ASAH2: variants seen among roughly 807,000 people sequenced by gnomAD.
ASAH2 encodes the protein neutral ceramidase.
In ASAH2, 58 loss-of-function variants were observed where a neutral mutation model predicts 82.9. The observed-to-expected ratio is 0.70, with a 90% CI of 0.57 to 0.87. ASAH2 has a LOEUF of 0.87. ASAH2 is among the 40% of genes least tolerant of loss of function. The pLI is 0.00. For missense variants in ASAH2, 779 were observed against 834.0 expected (o/e 0.93, Z 0.81); for synonymous variants, 276 against 289.7 (o/e 0.95, Z 0.48).
At position 50,234,479 on chromosome 10, in the gene ASAH2, T is replaced by G. The variant is rs757600999; in HGVS notation, c.761A>C (p.Gln254Pro). 6.2e-7 allele frequency: 1 copy of G among 1,613,138 alleles called. No individual in the cohort carries two copies. Among genetic ancestry groups the G allele is most frequent in the South Asian group, 1.1e-5 (1 of 91,066 alleles). The part of the protein sequence containing the change: ...FINKGNVDGV[Q>P]INRSPYSYLQ... The stretch of plus-strand genomic sequence containing the variant: ...GTAAGAATACGGACTTCTGTTGATC[T>G]GCACACCATCCACATTTCCTTTATT... Residue 254 changes from glutamine (Q) to proline (P), a missense_variant, in exon 6 of 21, where the codon CAG becomes CCG. By Grantham distance (76) the Gln-to-Pro change is moderately conservative. Coordinates refer to ENST00000682911, the MANE Select transcript of ASAH2 (RefSeq NM_019893.4).
At chr10:50,244,282 G>A (rs1056929753) in intron 3 of ASAH2, among the ~76,000 whole-genome samples, 1 of 152,062 alleles carries the variant, frequency 6.6e-6, no homozygotes, top group African/African-American at 2.4e-5. Context: ...GACTTATCAG[G>A]ACTCTACAAC....
At chr10:50,208,338 A>T (rs1189563258) in intron 12 of ASAH2, among the ~76,000 whole-genome samples, 2 of 152,042 alleles carry the variant, frequency 1.3e-5, no homozygotes, top group African/African-American at 4.8e-5. Context: ...AAAGGCATTC[A>T]GATTGGAAAA....
Position 50,242,146 on chromosome 10 carries a change from A to G in ASAH2, c.510+1056T>C, listed in dbSNP as rs76544369. 5.0e-3 allele frequency among the ~76,000 whole-genome samples: 769 copies of G among 152,308 alleles called. 7 individuals carry two copies. Among genetic ancestry groups the G allele is most frequent in the Admixed American group, 4.4e-3 (68 of 15,304 alleles). ...ATTTGGAAAGTTACCTACCTTCTCT[A>G]AGACTCAGTTTTCTTATACAGAAAA... On this transcript the variant is annotated intron_variant, in intron 4 of 20. Transcript: ENST00000682911.
intron 8 of ASAH2, 32 bp from the exon 9 acceptor site, chr10:50,214,900 T>A: frequency 6.2e-7 from 1 of 1,612,660 alleles, no homozygotes; most frequent in Non-Finnish European, 8.5e-7. Context: ...TGCCTTTTAT[T>A]CTTTCCTATT....
At chr10:50,200,111 G>A (rs1158360604) in intron 16 of ASAH2, among the ~76,000 whole-genome samples, 2 of 151,744 alleles carry the variant, frequency 1.3e-5, no homozygotes, top group African/African-American at 4.8e-5. Context: ...TTCATGTCTT[G>A]CCCAGATCTT....
At chr10:50,211,177 A>G (rs1845445623) in intron 10 of ASAH2, 43 bp from the exon 11 acceptor site, 3 of 1,389,840 alleles carry the variant, frequency 2.2e-6, no homozygotes, top group Non-Finnish European at 3.1e-6. Context: ...AAAAGGCTAA[A>G]GTGATCATCT....
chr10:50,194,980 G>A (rs1308420866), intron 18 of ASAH2, among the ~76,000 whole-genome samples: 2 of 150,754 alleles, frequency 1.3e-5, no homozygotes, highest in African/African-American at 4.9e-5. Context: ...GTTGGTGTAG[G>A]CGATGTTTTT....
intron 7 of ASAH2, among the ~76,000 whole-genome samples, chr10:50,225,882 G>A (rs1031591044): frequency 3.3e-5 from 5 of 152,226 alleles, no homozygotes; most frequent in Admixed American, 6.5e-5. Flanking sequence ...CCTGAGGTCA[G>A]GAGTTTGAGA....
intron 15 of ASAH2, 133 bp downstream of exon 15, chr10:50,203,507 C>A: frequency 1.2e-6 from 1 of 844,630 alleles, no homozygotes; most frequent in Non-Finnish European, 2.1e-6. Context: ...CTTATACTAC[C>A]AATATTTCAT....
rs1319590215 is a variant in ASAH2, at chr10:50,214,860, A to G, written c.1023T>C (p.Phe341=). 3 of 1,613,440 alleles carry G rather than the reference A, an allele frequency of 1.9e-6. No individual in the cohort carries two copies. Among genetic ancestry groups the G allele is most frequent in the East Asian group, 4.5e-5 (2 of 44,874 alleles). Residue 341 remains phenylalanine, a synonymous_variant, in exon 9 of 21, where the codon TTT becomes TTC. Coordinates refer to ENST00000682911, the MANE Select transcript of ASAH2 (RefSeq NM_019893.4). ...GGTTTGATGAAGCAAAGGCTGCTAC[A>G]AATGGCCCCTGCCAAAAGAAATGCC... ...NKGYLPGQGP[F]VAAFASSNLG...
intron 1 of ASAH2, 45 bp from the exon 2 acceptor site, chr10:50,248,691 C>T (rs968010389): frequency 1.4e-6 from 2 of 1,425,942 alleles, no homozygotes; most frequent in Non-Finnish European, 9.6e-7. Context: ...TGCTTTAAGC[C>T]AACCGAGGTT....
chr10:50,212,369 G>A (rs1019503569), intron 10 of ASAH2, among the ~76,000 whole-genome samples: 6 of 152,146 alleles, frequency 3.9e-5, no homozygotes, highest in Admixed American at 2.0e-4. Flanking sequence ...AATTTAGGAG[G>A]GGGAGGAAAT....
chr10:50,244,206 T>C (rs116954307), intron 3 of ASAH2, among the ~76,000 whole-genome samples: 2,383 of 152,266 alleles, frequency 0.016, 30 homozygotes, highest in Non-Finnish European at 0.026. Flanking sequence ...CAAGATGTTG[T>C]GGCAGCAGGC....
At position 50,210,795 on chromosome 10, in the gene ASAH2, C is replaced by T. The variant is rs1298688563; in HGVS notation, c.1414+28G>A. The T allele has an allele frequency of 2.6e-6, 4 of 1,534,790 alleles. No homozygotes were observed. The African/African-American group carries it at 5.4e-5, about 21-fold the overall frequency. On this transcript the variant is annotated intron_variant, in intron 12 of 20. Transcript: ENST00000682911. ...AACCCAGAAGCTTCAGAAGCTGAAA[C>T]CATAGATTTTACTGGACTTCACCTT...
At position 50,214,736 on chromosome 10, in the gene ASAH2, T is replaced by A. The variant is rs1845550460; in HGVS notation, c.1140+7A>T. 6.2e-7 allele frequency: 1 copy of A among 1,613,494 alleles called. No individual in the cohort carries two copies. Among genetic ancestry groups the A allele is most frequent in the African/African-American group, 1.3e-5 (1 of 74,908 alleles). ...AAACAAAGATTTCATGTGTCATAAT[T>A]ACCTACCCCACCAATGGGACAAGTG... On this transcript the variant is annotated splice_region_variant and intron_variant, in intron 9 of 20. Transcript: ENST00000682911.
intron 12 of ASAH2, among the ~76,000 whole-genome samples, chr10:50,207,944 GAGAA>G (rs1845347383): frequency 6.6e-6 from 1 of 151,794 alleles, no homozygotes; most frequent in Non-Finnish European, 1.5e-5. Context: ...CAGCAACACA[GAGAA>G]AGAATTGTTA....
At position 50,218,399 on chromosome 10, in the gene ASAH2, A is replaced by G. The variant is rs866634040; in HGVS notation, c.1014+111T>C. 129 of 1,452,748 alleles carry G rather than the reference A, an allele frequency of 8.9e-5. No homozygotes were observed. The Middle Eastern group carries it at 2.7e-3, about 30-fold the overall frequency. 90.0% of individuals were successfully genotyped at this position (1,452,748 alleles called of 1,614,324 possible). ...GTCTATTCAAGCATACCAATATGTG[A>G]GATTGATGATGACACTTTATTCTGG... On this transcript the variant is annotated intron_variant, in intron 8 of 20. Coordinates refer to ENST00000682911, the MANE Select transcript of ASAH2 (RefSeq NM_019893.4).
At position 50,251,289 on chromosome 10, in the gene ASAH2, T is replaced by C. The variant is rs556513789; in HGVS notation, c.-37+106A>G. On this transcript the variant is annotated intron_variant, in intron 1 of 20. Coordinates refer to ENST00000682911, the MANE Select transcript of ASAH2 (RefSeq NM_019893.4). ...ATTTGGCAAAAGAGGGTTCCAAAGCTATGAGATAAATTGAAGCTTTAGGGT... is the reference window on the plus strand; with the variant it reads ...ATTTGGCAAAAGAGGGTTCCAAAGCCATGAGATAAATTGAAGCTTTAGGGT... 1.2e-3 allele frequency among the ~76,000 whole-genome samples: 179 copies of C among 152,296 alleles called. 1 individual carries two copies. Among genetic ancestry groups the C allele is most frequent in the African/African-American group, 4.2e-3 (173 of 41,562 alleles).
intron 7 of ASAH2, among the ~76,000 whole-genome samples, chr10:50,226,340 T>C (rs1845884316): frequency 6.6e-6 from 1 of 152,260 alleles, no homozygotes; most frequent in African/African-American, 2.4e-5. Context: ...AGAAAAATAT[T>C]ATAAATGTGC....
Sources: allele counts gnomAD v4.1 joint callset (sites outside exome capture counted in the v4.1 genomes callset), GRCh38; gene constraint gnomAD v4.1.1; transcripts MANE v1.5; gene names NCBI Gene and HGNC (gene_info 2026-07-23, HGNC 2026-07-21).